The following TGFA variants were observed in gnomAD, a reference collection of about 807,000 sequenced individuals.
The protein encoded by TGFA is transforming growth factor alpha.
Under a neutral mutation model 21.7 loss-of-function variants are expected in TGFA, and 12 were observed. The observed-to-expected ratio is 0.55, with a 90% confidence interval of 0.35 to 0.90. The LOEUF (loss-of-function observed/expected upper bound fraction) is 0.90. TGFA is among the 40% of genes least tolerant of loss of function. TGFA has a pLI of 0.01. For missense variants in TGFA, 178 were observed against 210.8 expected (o/e 0.84, Z 0.96); for synonymous variants, 79 against 88.1 (o/e 0.90, Z 0.58).
chr2:70,468,954 A>T (rs1410786728), intron 2 of TGFA, among the ~76,000 whole-genome samples: 1 of 152,208 alleles, frequency 6.6e-6, no homozygotes, highest in East Asian at 1.9e-4. Context: ...ATTGTGTTCC[A>T]TGCAACTGGT....
In TGFA at chr2:70,456,411, T is replaced by TG; in HGVS notation, c.292dup (p.Gln98ProfsTer34). ...GACCACCACCAAGGCGGTGATGGCC[T>TG]GCTTCTTCTGGCTGGCAGCCACCAC... On this transcript the variant is annotated frameshift_variant, in exon 4 of 6. Transcript: ENST00000295400. LOFTEE classifies it high-confidence loss of function. 1 of 1,595,026 alleles carries TG rather than the reference T, an allele frequency of 6.3e-7. No individual in the cohort carries two copies. Among genetic ancestry groups the TG allele is most frequent in the Non-Finnish European group, 8.5e-7 (1 of 1,171,074 alleles).
chr2:70,478,719 G>C (rs1168021148), intron 2 of TGFA, among the ~76,000 whole-genome samples: 2 of 152,138 alleles, frequency 1.3e-5, no homozygotes, highest in Non-Finnish European at 2.9e-5. Flanking sequence ...CTAAGCAAAT[G>C]ACTTGCTGTC....
chr2:70,481,391 C>T (rs1339669510), intron 2 of TGFA, among the ~76,000 whole-genome samples: 7 of 152,224 alleles, frequency 4.6e-5, no homozygotes, highest in Non-Finnish European at 8.8e-5. Flanking sequence ...TCCTTAAACA[C>T]ATTAACATCT....
chr2:70,476,168 C>G (rs1670930973), intron 2 of TGFA, among the ~76,000 whole-genome samples: 1 of 145,940 alleles, frequency 6.9e-6, no homozygotes, highest in African/African-American at 2.5e-5. Flanking sequence ...TCCCCCTTTT[C>G]TTTTAATATG....
At chr2:70,486,024 T>G (rs1364625025) in intron 2 of TGFA, among the ~76,000 whole-genome samples, 1 of 152,190 alleles carries the variant, frequency 6.6e-6, no homozygotes. Context: ...AGGCAAAAGC[T>G]CACAAAATAT....
At chr2:70,494,350 T>C (rs536241546) in intron 2 of TGFA, among the ~76,000 whole-genome samples, 1 of 152,342 alleles carries the variant, frequency 6.6e-6, no homozygotes, top group African/African-American at 2.4e-5. Flanking sequence ...TTGGACATCT[T>C]TGGGGGACCA....
intron 1 of TGFA, among the ~76,000 whole-genome samples, chr2:70,534,293 G>T (rs1367313447): frequency 6.6e-6 from 1 of 152,222 alleles, no homozygotes; most frequent in Non-Finnish European, 1.5e-5. Flanking sequence ...GCTCTCGCAG[G>T]TTCTATCTTT....
intron 1 of TGFA, among the ~76,000 whole-genome samples, chr2:70,534,416 G>A (rs1198809353): frequency 6.6e-6 from 1 of 152,198 alleles, no homozygotes; most frequent in Non-Finnish European, 1.5e-5. Context: ...GGATGAGGAG[G>A]AGGTGAAGCC....
rs1553488999 is a variant in TGFA, at chr2:70,448,232, A to C, written c.*2627T>G. On this transcript the variant is annotated 3_prime_UTR_variant, in exon 6 of 6. Coordinates refer to ENST00000295400, the MANE Select transcript of TGFA (RefSeq NM_003236.4). ...CATGTAGAAGAAAACATTTCCTGTCAGGATGCTTAAAAAAAGTCACAGCCT... is the reference window on the plus strand; with the variant it reads ...CATGTAGAAGAAAACATTTCCTGTCCGGATGCTTAAAAAAAGTCACAGCCT... 6.6e-6 allele frequency: 1 copy of C among 152,222 alleles called. No individual in the cohort carries two copies. The highest frequency in any genetic ancestry group is 1.9e-4 in the East Asian group (1 of 5,202). 9.4% of individuals were successfully genotyped at this position (152,222 alleles called of 1,614,324 possible). A position where few individuals can be genotyped will look rare whatever the true frequency, so the allele number is the denominator to read the frequency against.
chr2:70,521,609 G>GTT (rs797022948), intron 1 of TGFA, among the ~76,000 whole-genome samples: 41 of 78,872 alleles, frequency 5.2e-4, no homozygotes, highest in African/African-American at 1.2e-3. Context: ...TTTTGTTGTT[G>GTT]TTTGTTTGTT....
At chr2:70,489,988 C>T (rs1418861070) in intron 2 of TGFA, among the ~76,000 whole-genome samples, 1 of 152,186 alleles carries the variant, frequency 6.6e-6, no homozygotes, top group East Asian at 1.9e-4. Context: ...CCAGGGCCCA[C>T]CCCCACACCC....
intron 1 of TGFA, among the ~76,000 whole-genome samples, chr2:70,515,782 C>A (rs1160330588): frequency 6.6e-6 from 1 of 152,132 alleles, no homozygotes; most frequent in Non-Finnish European, 1.5e-5. Flanking sequence ...ATGGCAGGAG[C>A]AAGAAAACCT....
intron 2 of TGFA, among the ~76,000 whole-genome samples, chr2:70,509,619 T>C (rs900465417): frequency 6.6e-6 from 1 of 152,208 alleles, no homozygotes; most frequent in Admixed American, 6.5e-5. Context: ...TGGGTGTCCC[T>C]AGACACAGGC....
intron 1 of TGFA, among the ~76,000 whole-genome samples, chr2:70,552,799 A>C (rs1185571008): frequency 6.6e-6 from 1 of 152,226 alleles, no homozygotes; most frequent in East Asian, 1.9e-4. Flanking sequence ...CTCGGGGCAT[A>C]TCGAACGAAC....
At chr2:70,533,550 ATAGGT>A (rs1672880487) in intron 1 of TGFA, among the ~76,000 whole-genome samples, 1 of 152,172 alleles carries the variant, frequency 6.6e-6, no homozygotes, top group African/African-American at 2.4e-5. Flanking sequence ...ATCTCAGGAG[ATAGGT>A]TAGTTTCTTG....
chr2:70,550,597 G>A (rs1374098992), intron 1 of TGFA, among the ~76,000 whole-genome samples: 10 of 152,174 alleles, frequency 6.6e-5, no homozygotes, highest in African/African-American at 2.4e-4. Flanking sequence ...GAGGTGGGTG[G>A]ATCACGCGGT....
intron 1 of TGFA, among the ~76,000 whole-genome samples, chr2:70,522,749 G>A (rs112860154): frequency 3.9e-5 from 6 of 152,262 alleles, no homozygotes; most frequent in African/African-American, 1.4e-4. Flanking sequence ...ACACGTGCAG[G>A]ATGTGCAGGT....
At chr2:70,471,128 C>T (rs1306738497) in intron 2 of TGFA, among the ~76,000 whole-genome samples, 2 of 145,268 alleles carry the variant, frequency 1.4e-5, no homozygotes, top group Non-Finnish European at 3.0e-5. Flanking sequence ...ACCATATAAC[C>T]AAACTTCTTA....
chr2:70,499,691 T>A (rs1671680482), intron 2 of TGFA, among the ~76,000 whole-genome samples: 1 of 152,216 alleles, frequency 6.6e-6, no homozygotes. Context: ...TTGTATCTAT[T>A]GTGTCAGACA....
Sources: allele counts gnomAD v4.1 joint callset (sites outside exome capture counted in the v4.1 genomes callset), GRCh38; gene constraint gnomAD v4.1.1; transcripts MANE v1.5; gene names NCBI Gene and HGNC (gene_info 2026-07-23, HGNC 2026-07-21).